The following TMPRSS11B variants were observed in gnomAD, a reference collection of about 807,000 sequenced individuals.
TMPRSS11B encodes the protein transmembrane serine protease 11B, also known as transmembrane protease serine 11B.
TMPRSS11B carries 53 observed loss-of-function variants against 44.7 expected under a neutral mutation model. The observed-to-expected ratio is 1.19, with a 90% CI of 0.95 to 1.49. The LOEUF (loss-of-function observed/expected upper bound fraction) is 1.49. Among genes scored for constraint, TMPRSS11B ranks in the 40% most tolerant of loss-of-function variants. The pLI is 0.00. For missense variants in TMPRSS11B, 526 were observed against 494.8 expected, an observed-to-expected ratio of 1.06 and a Z score of -0.60; for synonymous variants, 140 against 159.2, an observed-to-expected ratio of 0.88 and a Z score of 0.91.
In TMPRSS11B at chr4:68,245,483, C is replaced by T. The variant is rs146979184; in HGVS notation, c.8+68G>A. 691 of 1,542,336 alleles carry T rather than the reference C, an allele frequency of 4.5e-4. 5 individuals are homozygous for T. The African/African-American group carries it at 8.6e-3, about 19-fold the overall frequency. On this transcript the variant is annotated intron_variant, in intron 1 of 9. Transcript: ENST00000332644. ...ATAAAAACAGTCAATTAACAAAAAA[C>T]TAGAACATACTTAATGGCAACTTGC...
chr4:68,242,240 T>TATAATATATATAATATA lies in TMPRSS11B; in HGVS notation c.9-437_9-436insTATATTATATATATTAT, dbSNP rs1436150730. ...TAATATTATATTATATTATATATAT[T>TATAATATATATAATATA]ATATTATATATATTATAATATATAT... On this transcript the variant is annotated intron_variant, in intron 1 of 9. Transcript: ENST00000332644. Among the ~76,000 whole-genome samples, 185 of 82,060 alleles carry TATAATATATATAATATA rather than the reference T, an allele frequency of 2.3e-3. 2 individuals are homozygous for TATAATATATATAATATA. Among genetic ancestry groups the TATAATATATATAATATA allele is most frequent in the African/African-American group, 7.7e-3 (131 of 17,076 alleles). 53.8% of individuals were successfully genotyped at this position (82,060 alleles called of 152,430 possible). A position where few individuals can be genotyped will look rare whatever the true frequency, so the allele number is the denominator to read the frequency against.
intron 4 of TMPRSS11B, among the ~76,000 whole-genome samples, chr4:68,234,939 T>G (rs1428282623): frequency 6.6e-6 from 1 of 152,136 alleles, no homozygotes; most frequent in Non-Finnish European, 1.5e-5. Flanking sequence ...TAAAAACCAG[T>G]GCTCTCATAA....
intron 2 of TMPRSS11B, among the ~76,000 whole-genome samples, chr4:68,236,849 G>T (rs1454180292): frequency 1.3e-5 from 2 of 151,948 alleles, no homozygotes; most frequent in East Asian, 1.9e-4. Context: ...GCACCCTTTT[G>T]TATGCCCTTT....
intron 2 of TMPRSS11B, among the ~76,000 whole-genome samples, chr4:68,241,290 C>A (rs906560858): frequency 1.3e-5 from 2 of 152,048 alleles, no homozygotes; most frequent in African/African-American, 4.8e-5. Context: ...GAGTTATTTG[C>A]AGATTTTTCA....
At chr4:68,236,095 C>A (rs1397200208) in intron 3 of TMPRSS11B, 26 bp from the exon 4 acceptor site, 1 of 1,573,782 alleles carries the variant, frequency 6.4e-7, no homozygotes, top group Admixed American at 1.8e-5. Context: ...AAACAGTCAT[C>A]ATGTATGTTT....
At chr4:68,235,978 AATC>A in intron 4 of TMPRSS11B, 21 bp downstream of exon 4, 2 of 1,462,238 alleles carry the variant, frequency 1.4e-6, no homozygotes, top group Non-Finnish European at 1.8e-6. Flanking sequence ...CCTTTCATAA[AATC>A]TTAAATGAAC....
intron 2 of TMPRSS11B, among the ~76,000 whole-genome samples, chr4:68,237,247 T>C (rs553047448): frequency 6.6e-6 from 1 of 152,260 alleles, no homozygotes; most frequent in East Asian, 1.9e-4. Flanking sequence ...GCTTCATCCA[T>C]GTCCCTGCAA....
Position 68,226,703 on chromosome 4 carries a change from T to A in TMPRSS11B, c.*1208A>T, listed in dbSNP as rs761397642. ...TATTTTAATGCCTTTAAGTTTTTGG[T>A]GACTTTTACATTTGGAAAATTACAT... On this transcript the variant is annotated 3_prime_UTR_variant, in exon 10 of 10. Coordinates refer to ENST00000332644, the MANE Select transcript of TMPRSS11B (RefSeq NM_182502.3). The A allele has an allele frequency of 2.6e-5, 4 of 152,218 alleles. No homozygotes were observed. The highest frequency in any genetic ancestry group is 5.9e-5 in the Non-Finnish European group (4 of 68,030). 9.4% of individuals were successfully genotyped at this position (152,218 alleles called of 1,614,324 possible). A position where few individuals can be genotyped will look rare whatever the true frequency, so the allele number is the denominator to read the frequency against.
rs1719747270 is a variant in TMPRSS11B, at chr4:68,238,970, A to C, written c.125-2704T>G. ...TCTCATACATCATGCCCAGATTCTGAGAAACCATTATGTTTAGATTTCTGA... is the reference window on the plus strand; with the variant it reads ...TCTCATACATCATGCCCAGATTCTGCGAAACCATTATGTTTAGATTTCTGA... On this transcript the variant is annotated intron_variant, in intron 2 of 9. Coordinates refer to ENST00000332644, the MANE Select transcript of TMPRSS11B (RefSeq NM_182502.3). Among the ~76,000 whole-genome samples the C allele has an allele frequency of 2.6e-5, 4 of 152,204 alleles. No individual in the cohort carries two copies. In the South Asian group the frequency reaches 8.3e-4, roughly 31 times the overall value.
rs1178826512 is a variant in TMPRSS11B at position 68,228,837 on chromosome 4, T to G, written c.994A>C (p.Asn332His). 1 of 1,613,874 alleles carries G rather than the reference T, an allele frequency of 6.2e-7. No homozygotes were observed. The highest frequency in any genetic ancestry group is 1.1e-5 in the South Asian group (1 of 91,000). Residue 332 changes from asparagine to histidine, a missense_variant, in exon 9 of 10, where the codon AAC becomes CAC. Coordinates refer to ENST00000332644, the MANE Select transcript of TMPRSS11B (RefSeq NM_182502.3). ...GCATATGAGGCATTGCAAATTTTGT[T>G]GTCAATAATCTTCAAAAAGTCTTCT... ...LQEDFLKIIDNKICNASYAYS... is the reference protein window; with the variant it reads ...LQEDFLKIIDHKICNASYAYS...
intron 4 of TMPRSS11B, among the ~76,000 whole-genome samples, chr4:68,235,663 TG>T (rs1204120937): frequency 1.3e-5 from 2 of 152,218 alleles, no homozygotes; most frequent in African/African-American, 4.8e-5. Context: ...TTGTTTTCCC[TG>T]GAGTTATAAT....
At chr4:68,239,721 A>G (rs1719771341) in intron 2 of TMPRSS11B, among the ~76,000 whole-genome samples, 1 of 152,150 alleles carries the variant, frequency 6.6e-6, no homozygotes, top group Non-Finnish European at 1.5e-5. Flanking sequence ...TTTTATACTA[A>G]TAGATTATAA....
At chr4:68,245,271 T>C (rs965585446) in intron 1 of TMPRSS11B, among the ~76,000 whole-genome samples, 5 of 152,136 alleles carry the variant, frequency 3.3e-5, no homozygotes, top group Admixed American at 1.3e-4. Flanking sequence ...GTAAAAGAAA[T>C]CTTATGCCTC....
Position 68,229,338 on chromosome 4 carries a change from T to C in TMPRSS11B, c.865A>G (p.Ile289Val), listed in dbSNP as rs1412012635. Reference sequence around the variant, plus strand: ...TTCATTTTGGCTTCAGGAAGACAAATCTTACGAATGTACTCTGTAAAAGAA... The same window carrying C: ...TTCATTTTGGCTTCAGGAAGACAAACCTTACGAATGTACTCTGTAAAAGAA... ...EVSFTEYIRKICLPEAKMKLS... is the reference protein window; with the variant it reads ...EVSFTEYIRKVCLPEAKMKLS... Residue 289 changes from isoleucine (I) to valine (V), a missense_variant, in exon 8 of 10, where the codon ATT (isoleucine) becomes GTT (valine). Ile to Val is a conservative substitution (Grantham distance 29, BLOSUM62 3). Transcript: ENST00000332644. 6.2e-7 allele frequency: 1 copy of C among 1,613,990 alleles called. No individual in the cohort carries two copies. Among genetic ancestry groups the C allele is most frequent in the Admixed American group, 1.7e-5 (1 of 59,998 alleles).
At chr4:68,241,545 C>T (rs1477245243) in intron 2 of TMPRSS11B, 144 bp downstream of exon 2, 3 of 581,130 alleles carry the variant, frequency 5.2e-6, no homozygotes, top group Non-Finnish European at 9.0e-6. Flanking sequence ...TTATAAATTT[C>T]TGTGTCATAA....
At position 68,227,409 on chromosome 4, in the gene TMPRSS11B, T is replaced by TTC. The variant is rs1185909276; in HGVS notation, c.*501_*502insGA. On this transcript the variant is annotated 3_prime_UTR_variant, in exon 10 of 10. Coordinates refer to ENST00000332644, the MANE Select transcript of TMPRSS11B (RefSeq NM_182502.3). The stretch of plus-strand genomic sequence containing the variant: ...CCTTCTTTATTTTCTTCTCTCCTTT[T>TTC]TTTTTTTTTTTTTTTGAGACAGGGT... 2 of 146,054 alleles carry TTC rather than the reference T, an allele frequency of 1.4e-5. No homozygotes were observed. The highest frequency in any genetic ancestry group is 3.0e-5 in the Non-Finnish European group (2 of 67,002). 9.0% of individuals were successfully genotyped at this position (146,054 alleles called of 1,614,324 possible).
chr4:68,241,606 T>G, intron 2 of TMPRSS11B, 83 bp downstream of exon 2: 2 of 814,934 alleles, frequency 2.5e-6, no homozygotes, highest in East Asian at 5.3e-5. Flanking sequence ...AAGAAGAAAT[T>G]TAATGTTCAT....
intron 5 of TMPRSS11B, among the ~76,000 whole-genome samples, chr4:68,233,886 C>G (rs1158928056): frequency 2.0e-5 from 3 of 151,880 alleles, no homozygotes; most frequent in African/African-American, 7.3e-5. Flanking sequence ...AAGAAAGATA[C>G]TTTGCCTGGG....
intron 9 of TMPRSS11B, 137 bp downstream of exon 9, chr4:68,228,605 G>T (rs1462366698): frequency 2.3e-6 from 2 of 855,864 alleles, no homozygotes; most frequent in Non-Finnish European, 3.5e-6. Context: ...GTACATAAAT[G>T]GAATTAATAC....
Sources: allele counts gnomAD v4.1 joint callset (sites outside exome capture counted in the v4.1 genomes callset), GRCh38; gene constraint gnomAD v4.1.1; transcripts MANE v1.5; gene names NCBI Gene and HGNC (gene_info 2026-07-23, HGNC 2026-07-21).